MDGA2: variants seen among roughly 807,000 people sequenced by gnomAD.
The protein encoded by MDGA2 is MAM domain-containing glycosylphosphatidylinositol anchor protein 2.
In MDGA2, 40 loss-of-function variants were observed where a neutral mutation model predicts 117.8. The ratio of observed to expected loss-of-function variants is 0.34; its 90% CI spans 0.26 to 0.44. The LOEUF is 0.44. Ranked by LOEUF, MDGA2 falls within the 20% of genes least tolerant of loss-of-function variation. The pLI is 1.00. For synonymous variants in MDGA2, 452 were observed against 439.0 expected, an observed-to-expected ratio of 1.03 and a Z score of -0.37; for missense variants, 1,123 against 1,250.6, an observed-to-expected ratio of 0.90 and a Z score of 1.54.
At chr14:46,975,230 C>G (rs1886411578) in intron 8 of MDGA2, among the ~76,000 whole-genome samples, 1 of 152,030 alleles carries the variant, frequency 6.6e-6, no homozygotes, top group African/African-American at 2.4e-5. Flanking sequence ...AATTAGAACC[C>G]TTAAGCACTG....
At chr14:46,977,243 T>TA (rs1886498748) in intron 8 of MDGA2, among the ~76,000 whole-genome samples, 2 of 151,760 alleles carry the variant, frequency 1.3e-5, no homozygotes, top group Admixed American at 1.3e-4. Flanking sequence ...TCTTTTTTTT[T>TA]AAAACACTTT....
intron 3 of MDGA2, among the ~76,000 whole-genome samples, chr14:47,161,858 G>GTTC (rs1883648327): frequency 7.0e-6 from 1 of 142,674 alleles, no homozygotes; most frequent in East Asian, 2.2e-4. Flanking sequence ...ATCTAATTGG[G>GTTC]TTCTTATTCC....
intron 8 of MDGA2, among the ~76,000 whole-genome samples, chr14:46,969,131 T>C (rs1387617175): frequency 6.6e-6 from 1 of 152,210 alleles, no homozygotes. Flanking sequence ...TGCCACATTT[T>C]CTTAATCCAG....
intron 1 of MDGA2, among the ~76,000 whole-genome samples, chr14:47,426,335 T>C (rs1279740261): frequency 6.6e-6 from 1 of 152,078 alleles, no homozygotes; most frequent in East Asian, 1.9e-4. Context: ...GATCAAGTTA[T>C]TCCAAATTTG....
chr14:47,326,625 C>T (rs1023387731), intron 1 of MDGA2, among the ~76,000 whole-genome samples: 32 of 151,884 alleles, frequency 2.1e-4, no homozygotes, highest in African/African-American at 7.5e-4. Context: ...TATGTTGTTG[C>T]CCCAGTCATT....
intron 2 of MDGA2, among the ~76,000 whole-genome samples, chr14:47,275,447 TA>T (rs1431664661): frequency 6.6e-6 from 1 of 152,128 alleles, no homozygotes; most frequent in Non-Finnish European, 1.5e-5. Flanking sequence ...TATAAACATT[TA>T]AAAAATATTT....
At chr14:47,183,250 A>C (rs1884781341) in intron 3 of MDGA2, among the ~76,000 whole-genome samples, 1 of 152,110 alleles carries the variant, frequency 6.6e-6, no homozygotes, top group Non-Finnish European at 1.5e-5. Flanking sequence ...TAAGCCCAGC[A>C]CAGTTGAACC....
chr14:47,395,348 T>C (rs1038757425), intron 1 of MDGA2, among the ~76,000 whole-genome samples: 1 of 152,178 alleles, frequency 6.6e-6, no homozygotes, highest in Non-Finnish European at 1.5e-5. Context: ...TCCCAGAGTG[T>C]TGATGTTTAT....
chr14:47,063,572 A>C (rs1374095878), intron 6 of MDGA2, among the ~76,000 whole-genome samples: 1 of 152,018 alleles, frequency 6.6e-6, no homozygotes, highest in East Asian at 1.9e-4. Flanking sequence ...AAATCATATG[A>C]GTATAAAATA....
At chr14:47,290,657 A>C (rs1325170014) in intron 2 of MDGA2, among the ~76,000 whole-genome samples, 2 of 152,152 alleles carry the variant, frequency 1.3e-5, no homozygotes, top group African/African-American at 4.8e-5. Context: ...ACAGGTCAGC[A>C]GCAAAGAAGA....
At chr14:46,932,572 A>G (rs1884622626) in intron 9 of MDGA2, among the ~76,000 whole-genome samples, 1 of 152,120 alleles carries the variant, frequency 6.6e-6, no homozygotes. Flanking sequence ...AATATTTTAT[A>G]ACCACTAGAA....
At chr14:47,210,437 C>G (rs929733584) in intron 3 of MDGA2, among the ~76,000 whole-genome samples, 1 of 152,110 alleles carries the variant, frequency 6.6e-6, no homozygotes, top group Non-Finnish European at 1.5e-5. Context: ...GCCTCTATTA[C>G]CCTATGAACC....
chr14:46,878,776 A>T (rs1160894964), intron 11 of MDGA2, among the ~76,000 whole-genome samples: 1 of 151,264 alleles, frequency 6.6e-6, no homozygotes, highest in Non-Finnish European at 1.5e-5. Context: ...TTCATAGTTA[A>T]TATGAAATTC....
At chr14:47,181,354 T>C (rs916914784) in intron 3 of MDGA2, among the ~76,000 whole-genome samples, 2 of 152,126 alleles carry the variant, frequency 1.3e-5, no homozygotes, top group Admixed American at 6.6e-5. Context: ...TGTTGTGTTT[T>C]ATTGCAGCAT....
At chr14:47,555,527 T>C (rs1453403292) in intron 1 of MDGA2, among the ~76,000 whole-genome samples, 1 of 152,156 alleles carries the variant, frequency 6.6e-6, no homozygotes, top group Admixed American at 6.5e-5. Context: ...CTTAAAGTCA[T>C]AATCATCCCA....
chr14:46,955,321 T>C (rs1349771211), intron 9 of MDGA2, among the ~76,000 whole-genome samples: 4 of 152,038 alleles, frequency 2.6e-5, no homozygotes, highest in East Asian at 1.9e-4. Flanking sequence ...TCATAGAAGA[T>C]GAAAAATGGC....
Position 46,902,360 on chromosome 14 carries a change from T to C in MDGA2, c.2238+17652A>G, listed in dbSNP as rs191711339. On this transcript the variant is annotated intron_variant, in intron 10 of 16. Coordinates refer to ENST00000399232, the MANE Select transcript of MDGA2 (RefSeq NM_001113498.3). ...TTGCAGATATATGGAACCCACATTC[T>C]ATCTTTTCTCAAACCTGTTCCCTCC... Among the ~76,000 whole-genome samples the C allele has an allele frequency of 2.0e-4, 30 of 152,268 alleles. No individual in the cohort carries two copies. In the East Asian group the frequency reaches 4.8e-3, roughly 25 times the overall value.
intron 1 of MDGA2, among the ~76,000 whole-genome samples, chr14:47,600,168 G>A (rs1896619775): frequency 6.6e-6 from 1 of 152,106 alleles, no homozygotes; most frequent in Non-Finnish European, 1.5e-5. Flanking sequence ...GGCTGAGGTA[G>A]GTGGATTGCT....
chr14:47,195,762 T>G (rs924839274), intron 3 of MDGA2, among the ~76,000 whole-genome samples: 37 of 152,174 alleles, frequency 2.4e-4, no homozygotes, highest in African/African-American at 8.4e-4. Context: ...GATTACATAT[T>G]CCCTTCAATC....
Sources: gnomAD v4.1 joint callset for allele counts (sites outside exome capture counted in the v4.1 genomes callset) on GRCh38, gnomAD v4.1.1 for gene constraint, MANE v1.5 for transcripts, NCBI Gene and HGNC (gene_info 2026-07-23, HGNC 2026-07-21) for gene names.